The following ESYT2 variants were observed in gnomAD, a reference collection of about 807,000 sequenced individuals.
The protein encoded by ESYT2 is extended synaptotagmin-2.
Under a neutral mutation model 107.2 loss-of-function variants are expected in ESYT2, and 54 were observed. That is an observed-to-expected ratio of 0.50 (90% CI 0.40 to 0.63). The LOEUF is 0.63. ESYT2 is among the 30% of genes least tolerant of loss of function. The pLI, the probability that ESYT2 is intolerant of heterozygous loss-of-function variation, is 0.00. For missense variants in ESYT2, 1,020 were observed against 1,094.5 expected (o/e 0.93, Z 0.96); for synonymous variants, 491 against 434.1 (o/e 1.13, Z -1.63).
At chr7:158,812,251 C>T (rs1840012340) in intron 1 of ESYT2, among the ~76,000 whole-genome samples, 1 of 152,190 alleles carries the variant, frequency 6.6e-6, no homozygotes, top group Non-Finnish European at 1.5e-5. Flanking sequence ...AGCCACTTCG[C>T]CGAGACTGCT....
intron 1 of ESYT2, among the ~76,000 whole-genome samples, chr7:158,828,810 G>T (rs1348457890): frequency 6.6e-6 from 1 of 150,444 alleles, no homozygotes; most frequent in East Asian, 2.0e-4. Flanking sequence ...AGCAGGCTGG[G>T]AGTCGGGGCC....
intron 16 of ESYT2, among the ~76,000 whole-genome samples, chr7:158,747,956 C>T (rs1025280294): frequency 1.3e-5 from 2 of 152,196 alleles, no homozygotes; most frequent in African/African-American, 4.8e-5. Flanking sequence ...AGAGGACATA[C>T]CGCATAATTC....
intron 2 of ESYT2, 26 bp downstream of exon 2, chr7:158,799,005 T>C (rs537565429): frequency 6.3e-7 from 1 of 1,598,904 alleles, no homozygotes; most frequent in African/African-American, 1.3e-5. Flanking sequence ...CACTGATGGA[T>C]GGTAGTTGGT....
intron 1 of ESYT2, among the ~76,000 whole-genome samples, chr7:158,802,872 A>C (rs1228555969): frequency 6.6e-6 from 1 of 152,274 alleles, no homozygotes; most frequent in African/African-American, 2.4e-5. Context: ...GCCACTAAAC[A>C]TGAAATCATG....
chr7:158,765,646 G>T (rs537590503), intron 8 of ESYT2, among the ~76,000 whole-genome samples: 1 of 152,192 alleles, frequency 6.6e-6, no homozygotes, highest in Non-Finnish European at 1.5e-5. Flanking sequence ...TGGGGTGTGA[G>T]AATCCCTTGA....
chr7:158,814,224 A>T (rs1439298517), intron 1 of ESYT2, among the ~76,000 whole-genome samples: 2 of 150,582 alleles, frequency 1.3e-5, no homozygotes, highest in African/African-American at 4.9e-5. Context: ...CAGTGAGCCA[A>T]GATCGCGCCA....
chr7:158,750,715 TA>T (rs1177225410), intron 14 of ESYT2, among the ~76,000 whole-genome samples: 1 of 149,130 alleles, frequency 6.7e-6, no homozygotes, highest in Non-Finnish European at 1.5e-5. Context: ...ATTTCCCCCC[TA>T]AGTTAATTTT....
intron 1 of ESYT2, among the ~76,000 whole-genome samples, chr7:158,817,519 C>T (rs1384309151): frequency 6.6e-6 from 1 of 152,252 alleles, no homozygotes; most frequent in Non-Finnish European, 1.5e-5. Flanking sequence ...CCAGCTGTCC[C>T]ACCTTTCTGA....
chr7:158,763,244 A>C (rs1289159356), intron 9 of ESYT2, 79 bp from the exon 10 acceptor site: 1 of 854,546 alleles, frequency 1.2e-6, no homozygotes, highest in Non-Finnish European at 1.8e-6. Context: ...TGATTGTAGT[A>C]AATATGACCA....
chr7:158,775,297 G>C (rs1180102972), intron 6 of ESYT2, among the ~76,000 whole-genome samples: 1 of 152,140 alleles, frequency 6.6e-6, no homozygotes, highest in Non-Finnish European at 1.5e-5. Context: ...CCGGGGTGGT[G>C]GTTGCTGAAG....
At chr7:158,735,353 CTG>C in intron 21 of ESYT2, 148 bp downstream of exon 21, 1 of 584,446 alleles carries the variant, frequency 1.7e-6, no homozygotes, top group Non-Finnish European at 3.0e-6. Flanking sequence ...GATGTTTTGA[CTG>C]TCTTTATAGC....
chr7:158,799,366 C>A (rs1839564951), intron 1 of ESYT2, among the ~76,000 whole-genome samples: 1 of 152,202 alleles, frequency 6.6e-6, no homozygotes, highest in African/African-American at 2.4e-5. Flanking sequence ...TCTGAAACAT[C>A]ATAAATTATA....
intron 8 of ESYT2, among the ~76,000 whole-genome samples, chr7:158,767,297 G>A (rs752107334): frequency 2.0e-5 from 3 of 152,202 alleles, no homozygotes; most frequent in Non-Finnish European, 4.4e-5. Flanking sequence ...GAAAACTGGT[G>A]CCTGTTGCTG....
intron 11 of ESYT2, among the ~76,000 whole-genome samples, 179 bp from the exon 12 acceptor site, chr7:158,760,326 TCA>T (rs1192774070): frequency 6.6e-6 from 1 of 152,212 alleles, no homozygotes; most frequent in Non-Finnish European, 1.5e-5. Context: ...GCCAGTGACC[TCA>T]CGTTTGGAGG....
rs1352257791 is a variant in ESYT2, at chr7:158,803,134, C to A, written c.331-4062G>T. ...TCGAGAGTGTGCCCTGGGGCAGGCC[C>A]CACCAGCATAGGTGGGGGCCAACGC... On this transcript the variant is annotated intron_variant, in intron 1 of 22. Transcript: ENST00000275418. Among the ~76,000 whole-genome samples the A allele has an allele frequency of 2.0e-5, 3 of 152,378 alleles. No homozygotes were observed. The East Asian group carries it at 5.8e-4, about 29-fold the overall frequency.
intron 1 of ESYT2, among the ~76,000 whole-genome samples, chr7:158,809,503 G>A (rs1269157839): frequency 7.3e-6 from 1 of 137,220 alleles, no homozygotes; most frequent in African/African-American, 2.7e-5. Flanking sequence ...AAAAACCAGG[G>A]GGGATGAGGG....
intron 1 of ESYT2, among the ~76,000 whole-genome samples, chr7:158,821,170 T>C (rs959599328): frequency 6.6e-6 from 1 of 152,158 alleles, no homozygotes; most frequent in Admixed American, 6.5e-5. Flanking sequence ...AAAACCTCCA[T>C]AAATAAAACA....
At chr7:158,734,334 C>T in intron 22 of ESYT2, 82 bp from the exon 23 acceptor site, 26 of 1,612,150 alleles carry the variant, frequency 1.6e-5, no homozygotes, top group Non-Finnish European at 2.1e-5. Flanking sequence ...CGGGTTCCAC[C>T]ACTGTCTGTG....
rs1043096791 is a variant in ESYT2, at chr7:158,771,964, T to C, written c.803+1377A>G. Among the ~76,000 whole-genome samples the C allele has an allele frequency of 5.9e-5, 9 of 151,404 alleles. 1 individual carries two copies. The South Asian group carries it at 1.3e-3, about 21-fold the overall frequency. On this transcript the variant is annotated intron_variant, in intron 7 of 22. Transcript: ENST00000275418. ...CGAAACCCCATCTCTACTAAAAAAA[T>C]ACAAAAATTAGCCAGGTGTGGTGGC...
Sources: gnomAD v4.1 joint callset for allele counts (sites outside exome capture counted in the v4.1 genomes callset) on GRCh38, gnomAD v4.1.1 for gene constraint, MANE v1.5 for transcripts, NCBI Gene and HGNC (gene_info 2026-07-23, HGNC 2026-07-21) for gene names.